The following KCNJ3 variants were observed in gnomAD, a reference collection of about 807,000 sequenced individuals.
KCNJ3 encodes the protein potassium inwardly rectifying channel subfamily J member 3.
KCNJ3 carries 4 observed loss-of-function variants against 39.2 expected under a neutral mutation model. The ratio of observed to expected loss-of-function variants is 0.10; its 90% confidence interval spans 0.05 to 0.23. The LOEUF is 0.23. KCNJ3 is among the 10% of genes least tolerant of loss of function. The pLI, the probability that KCNJ3 is intolerant of heterozygous loss-of-function variation, is 1.00. For missense variants in KCNJ3, 276 were observed against 634.9 expected (o/e 0.43, Z 6.08); for synonymous variants, 230 against 237.4 (o/e 0.97, Z 0.29).
Position 154,758,049 on chromosome 2 carries a change from T to A in KCNJ3, c.919+48230T>A, listed in dbSNP as rs959686651. ...TGAGAAGTACTCAGCATTTCAAATT[T>A]ATTGGACATAATTTCTACTAGATAA... On this transcript the variant is annotated intron_variant, in intron 2 of 2. Transcript: ENST00000295101. Among the ~76,000 whole-genome samples the A allele has an allele frequency of 3.3e-5, 5 of 152,278 alleles. No individual in the cohort carries two copies. In the East Asian group the frequency reaches 9.6e-4, roughly 29 times the overall value.
chr2:154,823,405 T>C (rs1189132202), intron 2 of KCNJ3, among the ~76,000 whole-genome samples: 1 of 75,312 alleles, frequency 1.3e-5, no homozygotes, highest in African/African-American at 3.7e-5. Context: ...CTTTCCACAT[T>C]CTTTTTTTTT....
At chr2:154,788,831 A>T (rs1261862955) in intron 2 of KCNJ3, among the ~76,000 whole-genome samples, 1 of 152,026 alleles carries the variant, frequency 6.6e-6, no homozygotes, top group Non-Finnish European at 1.5e-5. Context: ...ATTTGAAAGG[A>T]TAATTTTCAA....
chr2:154,703,055 C>T (rs1684933555), intron 1 of KCNJ3, among the ~76,000 whole-genome samples: 1 of 151,974 alleles, frequency 6.6e-6, no homozygotes, highest in Non-Finnish European at 1.5e-5. Flanking sequence ...GGAAGTCTTA[C>T]TTACCCCTTT....
intron 2 of KCNJ3, among the ~76,000 whole-genome samples, chr2:154,815,270 T>TA (rs1415093311): frequency 6.6e-6 from 1 of 152,138 alleles, no homozygotes; most frequent in Non-Finnish European, 1.5e-5. Flanking sequence ...CCTAAAAAGG[T>TA]AAACATACAT....
chr2:154,855,334 T>G lies in KCNJ3; in HGVS notation c.*21T>G. The G allele has an allele frequency of 6.8e-7, 1 of 1,472,014 alleles. No homozygotes were observed. The highest frequency in any genetic ancestry group is 9.2e-7 in the Non-Finnish European group (1 of 1,085,008). 91.2% of individuals were successfully genotyped at this position (1,472,014 alleles called of 1,614,324 possible). The stretch of plus-strand genomic sequence containing the variant: ...CATAACAAAGCACTCCCTTAGGCAT[T>G]ATTTAATGTTTGATTTAGTAATAGT... On this transcript the variant is annotated 3_prime_UTR_variant, in exon 3 of 3. Transcript: ENST00000295101.
Position 154,709,692 on chromosome 2 carries a change from T to C in KCNJ3, c.792T>C (p.Leu264=). 6.2e-7 allele frequency: 1 copy of C among 1,613,984 alleles called. No homozygotes were observed. Residue 264 remains leucine, a synonymous_variant, in exon 2 of 3, where the codon CTT becomes CTC. Coordinates refer to ENST00000295101, the MANE Select transcript of KCNJ3 (RefSeq NM_002239.4). The part of the protein sequence containing the change: ...GFSTGADQLF[L]VSPLTICHVI... ...GTACAGGGGCAGATCAACTTTTTCT[T>C]GTGTCCCCCCTCACAATTTGCCACG...
At chr2:154,813,583 A>G (rs1157439701) in intron 2 of KCNJ3, among the ~76,000 whole-genome samples, 4 of 152,186 alleles carry the variant, frequency 2.6e-5, no homozygotes, top group Non-Finnish European at 1.5e-5. Flanking sequence ...GCCACTTTTC[A>G]AGACATTTGT....
chr2:154,801,577 C>G (rs2105216924), intron 2 of KCNJ3, among the ~76,000 whole-genome samples: 1 of 136,868 alleles, frequency 7.3e-6, no homozygotes, highest in Non-Finnish European at 1.6e-5. Flanking sequence ...CTTTCTCTGT[C>G]TCTCTCTTTC....
At position 154,790,584 on chromosome 2, in the gene KCNJ3, G is replaced by A. The variant is rs187627458; in HGVS notation, c.920-64143G>A. 3.9e-5 allele frequency among the ~76,000 whole-genome samples: 6 copies of A among 152,170 alleles called. No individual in the cohort carries two copies. In the East Asian group the frequency reaches 1.2e-3, roughly 29 times the overall value. ...TTTCTCACTGTAGTTCCATGGTGAG[G>A]TTAAATGCTTTGAAGAAGGTTATCG... On this transcript the variant is annotated intron_variant, in intron 2 of 2. Coordinates refer to ENST00000295101, the MANE Select transcript of KCNJ3 (RefSeq NM_002239.4).
At chr2:154,838,906 G>T (rs983537117) in intron 2 of KCNJ3, among the ~76,000 whole-genome samples, 1 of 142,846 alleles carries the variant, frequency 7.0e-6, no homozygotes, top group African/African-American at 2.5e-5. Context: ...TTCCAGCATT[G>T]CCTGGATGTT....
chr2:154,811,710 C>G (rs549328960), intron 2 of KCNJ3, among the ~76,000 whole-genome samples: 1 of 152,136 alleles, frequency 6.6e-6, no homozygotes, highest in Non-Finnish European at 1.5e-5. Context: ...CTCTAGCAAG[C>G]CTTTGGTCTC....
intron 2 of KCNJ3, among the ~76,000 whole-genome samples, chr2:154,795,898 T>G (rs1476059183): frequency 5.9e-5 from 9 of 152,100 alleles, no homozygotes; most frequent in Admixed American, 2.0e-4. Context: ...ACGAGTTGGA[T>G]TTCCCCAGTG....
At chr2:154,839,190 T>G (rs34091418) in intron 2 of KCNJ3, among the ~76,000 whole-genome samples, 3,206 of 152,266 alleles carry the variant, frequency 0.021, 115 homozygotes, top group African/African-American at 0.072. Flanking sequence ...AGTGAGAACA[T>G]GCGGTGTTTG....
chr2:154,768,812 T>C (rs896059889), intron 2 of KCNJ3, among the ~76,000 whole-genome samples: 10 of 152,316 alleles, frequency 6.6e-5, no homozygotes, highest in Admixed American at 3.3e-4. Flanking sequence ...ATTCTTCCTA[T>C]CCATGAGCAT....
chr2:154,853,546 G>T (rs1012739336), intron 2 of KCNJ3, among the ~76,000 whole-genome samples: 9 of 151,812 alleles, frequency 5.9e-5, no homozygotes, highest in African/African-American at 1.7e-4. Flanking sequence ...TTGAGGGGAT[G>T]GTTTTTAAAA....
At chr2:154,744,012 T>A (rs985944053) in intron 2 of KCNJ3, among the ~76,000 whole-genome samples, 6 of 151,582 alleles carry the variant, frequency 4.0e-5, no homozygotes, top group African/African-American at 1.2e-4. Flanking sequence ...AATGCCTGAG[T>A]ATTCCTATTT....
chr2:154,858,011 G>A lies in KCNJ3; in HGVS notation c.*2698G>A, dbSNP rs1211312055. The A allele has an allele frequency of 6.6e-6, 1 of 151,194 alleles. No individual in the cohort carries two copies. Among genetic ancestry groups the A allele is most frequent in the Non-Finnish European group, 1.5e-5 (1 of 67,940 alleles). The allele number at this position is 151,194 out of a possible 1,614,324, so 9.4% of individuals were successfully genotyped here. On this transcript the variant is annotated 3_prime_UTR_variant, in exon 3 of 3. Transcript: ENST00000295101. Reference sequence around the variant, plus strand: ...TAGAAAATGTGACTGGCTTAGGACGGGGATAATATGTGAACAGAAATCTAT... The same window carrying A: ...TAGAAAATGTGACTGGCTTAGGACGAGGATAATATGTGAACAGAAATCTAT...
intron 2 of KCNJ3, among the ~76,000 whole-genome samples, chr2:154,759,760 G>A (rs1000257757): frequency 3.9e-5 from 6 of 151,982 alleles, no homozygotes; most frequent in African/African-American, 1.4e-4. Flanking sequence ...CAGGTAAATT[G>A]TGTCATTTGC....
intron 2 of KCNJ3, among the ~76,000 whole-genome samples, chr2:154,711,499 C>A (rs1022689296): frequency 2.0e-5 from 3 of 151,960 alleles, no homozygotes; most frequent in African/African-American, 7.3e-5. Flanking sequence ...ATCTAGCTAC[C>A]CGTTCATTCA....
Sources: gnomAD v4.1 joint callset for allele counts (sites outside exome capture counted in the v4.1 genomes callset) on GRCh38, gnomAD v4.1.1 for gene constraint, MANE v1.5 for transcripts, NCBI Gene and HGNC (gene_info 2026-07-23, HGNC 2026-07-21) for gene names.